Variants in ARID3A observed in about 807,000 individuals in gnomAD.
ARID3A encodes the protein AT-rich interaction domain 3A.
In ARID3A, 11 loss-of-function variants were observed where a neutral mutation model predicts 52.7. That is an observed-to-expected ratio of 0.21 (90% confidence interval 0.13 to 0.35). The LOEUF (loss-of-function observed/expected upper bound fraction) is 0.35. ARID3A is among the 10% of genes least tolerant of loss of function. ARID3A has a pLI of 1.00. For missense variants in ARID3A, 721 were observed against 838.5 expected (o/e 0.86, Z 1.73); for synonymous variants, 404 against 359.4 (o/e 1.12, Z -1.40).
At chr19:926,816 GC>G (rs1568351757) in intron 1 of ARID3A, among the ~76,000 whole-genome samples, 1 of 151,930 alleles carries the variant, frequency 6.6e-6, no homozygotes. Context: ...CAACTCCAAC[GC>G]TCGGCGCCGG....
rs967006027 is a variant in ARID3A, at chr19:973,918, G to A, written c.*1853G>A. The A allele has an allele frequency of 2.2e-5, 5 of 230,674 alleles. No individual in the cohort carries two copies. Among genetic ancestry groups the A allele is most frequent in the East Asian group, 6.1e-5 (1 of 16,318 alleles). 14.3% of individuals were successfully genotyped at this position (230,674 alleles called of 1,614,324 possible). On this transcript the variant is annotated 3_prime_UTR_variant, in exon 9 of 9. Transcript: ENST00000263620. The stretch of plus-strand genomic sequence containing the variant: ...AGGGTCTGGGGACTTCGTTGGACCC[G>A]CGTGGTGTTGGGCGGGGCTGTCGTG...
rs1447424562 is a variant in ARID3A at position 975,429 on chromosome 19, TATC to T, written c.*3367_*3369del. ...CTGTACAGTTGAATTTCCTTTCTCT[TATC>T]ATGTTTTACCCACCTTGTCCCTTTT... is the stretch of plus-strand genomic sequence containing the variant. On this transcript the variant is annotated 3_prime_UTR_variant, in exon 9 of 9. Coordinates refer to ENST00000263620, the MANE Select transcript of ARID3A (RefSeq NM_005224.3). 1.7e-5 allele frequency: 4 copies of T among 230,922 alleles called. No individual in the cohort carries two copies. The highest frequency in any genetic ancestry group is 2.2e-5 in the African/African-American group (1 of 45,288). 14.3% of individuals were successfully genotyped at this position (230,922 alleles called of 1,614,324 possible). A position where few individuals can be genotyped will look rare whatever the true frequency, so the allele number is the denominator to read the frequency against.
intron 4 of ARID3A, chr19:961,810 T>G (rs1187161379): frequency 3.9e-5 from 6 of 152,214 alleles, no homozygotes; most frequent in Non-Finnish European, 7.3e-5. Flanking sequence ...TCCCAGCTAC[T>G]TGGGAGGCTG....
At chr19:937,006 G>A (rs769845532) in intron 3 of ARID3A, among the ~76,000 whole-genome samples, 2 of 151,998 alleles carry the variant, frequency 1.3e-5, no homozygotes, top group Non-Finnish European at 2.9e-5. Context: ...AGTGCTTCAC[G>A]CCTGTAATCC....
At chr19:971,770 G>C in intron 8 of ARID3A, 108 bp from the exon 9 acceptor site, 1 of 1,376,472 alleles carries the variant, frequency 7.3e-7, no homozygotes, top group East Asian at 2.7e-5. Flanking sequence ...CTGGGGGACA[G>C]AGTGAGAGAG....
At chr19:925,914 C>T (rs1435433966), upstream of ARID3A, 1 of 138,966 alleles carries the variant, frequency 7.2e-6, no homozygotes, top group African/African-American at 2.7e-5. Context: ...GCTGAATCAC[C>T]GGCCAGGTAT....
chr19:948,479 G>A (rs1015906025), intron 3 of ARID3A, among the ~76,000 whole-genome samples: 2 of 152,048 alleles, frequency 1.3e-5, no homozygotes, highest in African/African-American at 2.4e-5. Flanking sequence ...TGATGGCTTC[G>A]GCCCCACCCC....
chr19:954,767 C>T (rs1018485252), intron 3 of ARID3A, among the ~76,000 whole-genome samples: 7 of 150,662 alleles, frequency 4.6e-5, no homozygotes, highest in African/African-American at 9.8e-5. Flanking sequence ...AGGGAAGGGG[C>T]TGAGAAGGCC....
Position 929,368 on chromosome 19 carries a change from C to A in ARID3A, c.-161C>A. The A allele has an allele frequency of 6.1e-6, 2 of 325,934 alleles. No homozygotes were observed. The highest frequency in any genetic ancestry group is 9.5e-6 in the Non-Finnish European group (2 of 210,598). 20.2% of individuals were successfully genotyped at this position (325,934 alleles called of 1,614,324 possible). On this transcript the variant is annotated 5_prime_UTR_variant, in exon 2 of 9. Coordinates refer to ENST00000263620, the MANE Select transcript of ARID3A (RefSeq NM_005224.3). The surrounding 1 kb of genome is among the most constrained non-coding windows in gnomAD (Gnocchi z 6.2). ...CCTTCAGCTTGAGCCCGGCGGCCCC[C>A]GCCCCCGCCCCCTGCCACCCTGCAC... is the stretch of plus-strand genomic sequence containing the variant.
At chr19:927,786 G>A (rs1376543622) in intron 1 of ARID3A, among the ~76,000 whole-genome samples, 2 of 152,240 alleles carry the variant, frequency 1.3e-5, no homozygotes, top group East Asian at 1.9e-4. Flanking sequence ...ACAACCCAGC[G>A]CTATGGCCCT....
chr19:972,266 G>A lies in ARID3A; in HGVS notation c.*201G>A, dbSNP rs185134878. On this transcript the variant is annotated 3_prime_UTR_variant, in exon 9 of 9. Coordinates refer to ENST00000263620, the MANE Select transcript of ARID3A (RefSeq NM_005224.3). ...ATATATACACGTATATATATAAAGA[G>A]AATTTAATAAAACAGGGGAAAACCA... The A allele has an allele frequency of 5.3e-3, 1,273 of 239,380 alleles. 5 individuals are homozygous for A. Among genetic ancestry groups the A allele is most frequent in the South Asian group, 0.014 (76 of 5,582 alleles). The allele number at this position is 239,380 out of a possible 1,614,324, so 14.8% of individuals were successfully genotyped here.
In ARID3A at chr19:972,131, C is replaced by A; in HGVS notation, c.*66C>A. 7.0e-7 allele frequency: 1 copy of A among 1,426,658 alleles called. No homozygotes were observed. Among genetic ancestry groups the A allele is most frequent in the Non-Finnish European group, 9.3e-7 (1 of 1,080,906 alleles). 88.4% of individuals were successfully genotyped at this position (1,426,658 alleles called of 1,614,324 possible). On this transcript the variant is annotated 3_prime_UTR_variant, in exon 9 of 9. Transcript: ENST00000263620. ...GGCCTGGGCAGGGGGTCCAGGTGGG[C>A]CACACAGGGGCCAGGATGGCGGAAG...
chr19:925,847 G>A (rs1215847574), upstream of ARID3A: 1 of 152,126 alleles, frequency 6.6e-6, no homozygotes, highest in Non-Finnish European at 1.5e-5. Flanking sequence ...GGGGCGAGGG[G>A]GCGTGCGGGG....
At chr19:963,956 C>T (rs1006069685) in intron 4 of ARID3A, among the ~76,000 whole-genome samples, 3 of 152,330 alleles carry the variant, frequency 2.0e-5, no homozygotes, top group South Asian at 4.1e-4. Flanking sequence ...GGGCGTCTCC[C>T]GCACGTCCCT....
intron 3 of ARID3A, chr19:956,538 C>CGGCT (rs1568367746): frequency 6.6e-6 from 1 of 152,166 alleles, no homozygotes; most frequent in Non-Finnish European, 1.5e-5. Context: ...TGGGACCCAC[C>CGGCT]GGCCCGGCCA....
At chr19:953,697 G>A (rs377190801) in intron 3 of ARID3A, among the ~76,000 whole-genome samples, 5 of 152,184 alleles carry the variant, frequency 3.3e-5, no homozygotes, top group African/African-American at 4.8e-5. Flanking sequence ...GGCAGGAGCC[G>A]AGCGGGGACC....
At position 940,521 on chromosome 19, in the gene ARID3A, C is replaced by T. The variant is rs144337505; in HGVS notation, c.693+7779C>T. Among the ~76,000 whole-genome samples the T allele has an allele frequency of 7.0e-3, 1,066 of 152,076 alleles. 12 individuals carry two copies. Among genetic ancestry groups the T allele is most frequent in the Middle Eastern group, 0.027 (8 of 294 alleles). ...AGACAGAACGGAGGCACCCTTGGTC[C>T]AGGCAGGAGTAGAAGAGGCCAACAC... On this transcript the variant is annotated intron_variant, in intron 3 of 8. Transcript: ENST00000263620.
chr19:973,104 A>ATTTTTTTTGTTTTTTTTTTTTTTTTTTTT lies in ARID3A; in HGVS notation c.*1047_*1048insGTTTTTTTTTTTTTTTTTTTTTTTTTTTT, dbSNP rs2038315090. ...GGGCTCTCGAGTCAGGGGCCTGGAAATTTTTTTTTTTTTTTTTTTTTGAGA... is the reference window on the plus strand; with the variant it reads ...GGGCTCTCGAGTCAGGGGCCTGGAAATTTTTTTTGTTTTTTTTTTTTTTTTTTTTTTTTTTTTTTTTTTTTTTTTTGAGA... On this transcript the variant is annotated 3_prime_UTR_variant, in exon 9 of 9. Coordinates refer to ENST00000263620, the MANE Select transcript of ARID3A (RefSeq NM_005224.3). The ATTTTTTTTGTTTTTTTTTTTTTTTTTTTT allele has an allele frequency of 1.9e-5, 1 of 53,488 alleles. No homozygotes were observed. Among genetic ancestry groups the ATTTTTTTTGTTTTTTTTTTTTTTTTTTTT allele is most frequent in the Non-Finnish European group, 3.4e-5 (1 of 29,006 alleles). 3.3% of individuals were successfully genotyped at this position (53,488 alleles called of 1,614,324 possible).
At chr19:963,572 T>A (rs1202010424) in intron 4 of ARID3A, among the ~76,000 whole-genome samples, 1 of 152,112 alleles carries the variant, frequency 6.6e-6, no homozygotes, top group Non-Finnish European at 1.5e-5. Context: ...TGCAGCCGGC[T>A]CCAGGAGTTG....
Sources: gnomAD v4.1 joint callset for allele counts (sites outside exome capture counted in the v4.1 genomes callset) on GRCh38, gnomAD v4.1.1 for gene constraint, Gnocchi (gnomAD v3.1) non-coding constraint, MANE v1.5 for transcripts, NCBI Gene and HGNC (gene_info 2026-07-23, HGNC 2026-07-21) for gene names.